The following CAPNS1 variants were observed in gnomAD, a reference collection of about 807,000 sequenced individuals.
CAPNS1 encodes CANP small subunit.
In CAPNS1, 32 loss-of-function variants were observed where a neutral mutation model predicts 39.2. The ratio of observed to expected loss-of-function variants is 0.82; its 90% CI spans 0.62 to 1.10. The LOEUF (loss-of-function observed/expected upper bound fraction) is 1.10. Ranked by LOEUF, CAPNS1 falls within the 50% of genes least tolerant of loss-of-function variation. The pLI, the probability that CAPNS1 is intolerant of heterozygous loss-of-function variation, is 0.00. For synonymous variants in CAPNS1, 153 were observed against 136.2 expected (o/e 1.12, Z -0.86); for missense variants, 353 against 373.1 (o/e 0.95, Z 0.44).
Position 36,149,643 on chromosome 19 carries a change from AC to A in CAPNS1, c.780+12del. ...CCAGGTGAACATCCAGGAGGTAAGG[AC>A]CCCCATATTGGGGTATGGGTGCCTG... On this transcript the variant is annotated splice_region_variant and intron_variant, in intron 10 of 10. Transcript: ENST00000246533. The A allele has an allele frequency of 6.4e-7, 1 of 1,573,774 alleles. No homozygotes were observed. Among genetic ancestry groups the A allele is most frequent in the Non-Finnish European group, 8.6e-7 (1 of 1,159,968 alleles).
At chr19:36,145,769 G>GGTGTAGCTGTCA (rs1859387156) in intron 6 of CAPNS1, 37 bp from the exon 7 acceptor site, 1 of 1,584,300 alleles carries the variant, frequency 6.3e-7, no homozygotes, top group Non-Finnish European at 8.7e-7. Context: ...CATGCATCTG[G>GGTGTAGCTGTCA]GTGTAGCTGT....
In CAPNS1 at chr19:36,142,283, C is replaced by T. The variant is rs926874652; in HGVS notation, c.210-17C>T. On this transcript the variant is annotated splice_polypyrimidine_tract_variant and intron_variant, in intron 2 of 10. Transcript: ENST00000246533. ...CCCCGCCCCTGGCACTAACCCCTCCCCCTTATCTCTTCGCAGCGAGGCGGC... is the reference window on the plus strand; with the variant it reads ...CCCCGCCCCTGGCACTAACCCCTCCTCCTTATCTCTTCGCAGCGAGGCGGC... 24 of 1,584,634 alleles carry T rather than the reference C, an allele frequency of 1.5e-5. No individual in the cohort carries two copies. Among genetic ancestry groups the T allele is most frequent in the Non-Finnish European group, 2.0e-5 (23 of 1,153,778 alleles).
intron 9 of CAPNS1, among the ~76,000 whole-genome samples, chr19:36,148,868 A>G (rs1236485922): frequency 6.6e-6 from 1 of 151,266 alleles, no homozygotes; most frequent in South Asian, 2.1e-4. Context: ...GGGTATGGAC[A>G]CCTGAGGGTG....
At chr19:36,143,490 G>T (rs1305381333) in intron 6 of CAPNS1, among the ~76,000 whole-genome samples, 7 of 152,076 alleles carry the variant, frequency 4.6e-5, no homozygotes. Context: ...ACTTTGGGAG[G>T]CTAAGGTGGG....
chr19:36,146,913 A>G (rs927289210), intron 9 of CAPNS1, among the ~76,000 whole-genome samples: 1 of 152,096 alleles, frequency 6.6e-6, no homozygotes, highest in African/African-American at 2.4e-5. Flanking sequence ...TGGCATGATC[A>G]TGGCTGACTG....
chr19:36,145,926 A>G (rs374973501), intron 7 of CAPNS1, 50 bp from the exon 8 acceptor site: 23 of 1,612,090 alleles, frequency 1.4e-5, no homozygotes, highest in Non-Finnish European at 1.8e-5. Flanking sequence ...AGCCATGGAG[A>G]CACTATGCCC....
intron 2 of CAPNS1, 89 bp downstream of exon 2, chr19:36,141,309 G>C (rs1974364978): frequency 7.0e-7 from 1 of 1,422,390 alleles, no homozygotes; most frequent in Non-Finnish European, 9.2e-7. Context: ...TCTAAAAATA[G>C]AATAGGATTA....
Position 36,145,923 on chromosome 19 carries a change from G to A in CAPNS1, c.525+49G>A, listed in dbSNP as rs370767749. On this transcript the variant is annotated intron_variant, in intron 7 of 10. Coordinates refer to ENST00000246533, the MANE Select transcript of CAPNS1 (RefSeq NM_001749.4). ...CTGGCACCCAGACCCCCAAGCCATG[G>A]AGACACTATGCCCCACAATGCTCAC... 5 of 1,612,760 alleles carry A rather than the reference G, an allele frequency of 3.1e-6. No individual in the cohort carries two copies. In the African/African-American group the frequency reaches 4.0e-5, roughly 13 times the overall value.
chr19:36,143,180 G>A (rs1157975509), intron 6 of CAPNS1, 52 bp downstream of exon 6: 8 of 1,546,580 alleles, frequency 5.2e-6, no homozygotes, highest in Non-Finnish European at 7.1e-6. Context: ...AGAGTTTTTT[G>A]AGAGTATGTT....
At position 36,146,049 on chromosome 19, in the gene CAPNS1, C is replaced by T; in HGVS notation, c.599C>T (p.Ala200Val). The T allele has an allele frequency of 6.2e-7, 1 of 1,614,070 alleles. No homozygotes were observed. ...AGTGAACTCCCAGGTGCCTTTGAGG[C>T]AGCAGGTATGGCTGGCAGGGACATG... is the stretch of plus-strand genomic sequence containing the variant. The part of the protein sequence containing the change: ...CSSELPGAFE[A>V]AGFHLNEHLY... The change falls in exon 8 of 11, where the codon GCA becomes GTA. Residue 200 changes from alanine to valine, a missense_variant. Ala to Val is a moderately conservative substitution (Grantham distance 64, BLOSUM62 0). Coordinates refer to ENST00000246533, the MANE Select transcript of CAPNS1 (RefSeq NM_001749.4).
rs878988441 is a variant in CAPNS1, at chr19:36,142,801, C to T, written c.333+60C>T. The T allele has an allele frequency of 4.6e-5, 73 of 1,579,974 alleles. 1 individual carries two copies. In the South Asian group the frequency reaches 5.8e-4, roughly 12 times the overall value. On this transcript the variant is annotated intron_variant, in intron 4 of 10. Transcript: ENST00000246533. ...CGTTCCATCCCTTCCCTTGTGGCTGCCCTTGCACACACACCCTTGACCATG... is the reference window on the plus strand; with the variant it reads ...CGTTCCATCCCTTCCCTTGTGGCTGTCCTTGCACACACACCCTTGACCATG...
Position 36,141,216 on chromosome 19 carries a change from A to G in CAPNS1, c.205A>G (p.Ile69Val), listed in dbSNP as rs768047521. 65 of 1,505,040 alleles carry G rather than the reference A, an allele frequency of 4.3e-5. No homozygotes were observed. The highest frequency in any genetic ancestry group is 5.5e-5 in the Non-Finnish European group (62 of 1,133,190). The allele number at this position is 1,505,040 out of a possible 1,614,324, so 93.2% of individuals were successfully genotyped here. A position where few individuals can be genotyped will look rare whatever the true frequency, so the allele number is the denominator to read the frequency against. Reference protein sequence around the residue: ...MRILGGVISAISEAAAQYNPE... With the variant: ...MRILGGVISAVSEAAAQYNPE... ...CATCCTAGGCGGAGTCATCAGCGCC[A>G]TCAGGTAAGGCGGAGACTATCAGAG... Residue 69 changes from isoleucine (I) to valine (V), a missense_variant, in exon 2 of 11, where the codon ATC becomes GTC. Coordinates refer to ENST00000246533, the MANE Select transcript of CAPNS1 (RefSeq NM_001749.4).
chr19:36,146,180 A>G lies in CAPNS1; in HGVS notation c.605-16A>G, dbSNP rs1210228483. 2 of 1,597,446 alleles carry G rather than the reference A, an allele frequency of 1.3e-6. No homozygotes were observed. Among genetic ancestry groups the G allele is most frequent in the Non-Finnish European group, 8.6e-7 (1 of 1,164,776 alleles). ...GCCATGTGGCCCCCGCACCTGAAGG[A>G]CTACATCCATCTTAGGGTTCCACCT... is the stretch of plus-strand genomic sequence containing the variant. On this transcript the variant is annotated splice_polypyrimidine_tract_variant and intron_variant, in intron 8 of 10. Coordinates refer to ENST00000246533, the MANE Select transcript of CAPNS1 (RefSeq NM_001749.4).
rs1297948943 is a variant in CAPNS1, at chr19:36,143,127, A to T, written c.455A>T (p.Asp152Val). The T allele has an allele frequency of 3.7e-6, 6 of 1,613,662 alleles. No homozygotes were observed. Among genetic ancestry groups the T allele is most frequent in the African/African-American group, 1.3e-5 (1 of 74,864 alleles). The change falls in exon 6 of 11, where the codon GAT (aspartate) becomes GTT (valine). Residue 152 changes from aspartate (D) to valine (V), a missense_variant and splice_region_variant. By Grantham distance (152) the Asp-to-Val change is radical. Transcript: ENST00000246533. ...TGTCGCAGCATGGTGGCCGTGATGG[A>T]TGTATCCTTGGGGGCAGTGTGGGAG... ...DTCRSMVAVMDSDTTGKLGFE... is the reference protein window; with the variant it reads ...DTCRSMVAVMVSDTTGKLGFE...
At chr19:36,140,744 G>C in intron 1 of CAPNS1, 3 of 430,170 alleles carry the variant, frequency 7.0e-6, no homozygotes, top group South Asian at 3.8e-5. Context: ...CACCAGATCT[G>C]CACCCTCCCC....
rs1367248534 is a variant in CAPNS1, at chr19:36,141,040, G to A, written c.29G>A (p.Gly10Asp). 1.4e-6 allele frequency: 2 copies of A among 1,393,742 alleles called. No homozygotes were observed. The highest frequency in any genetic ancestry group is 1.9e-6 in the Non-Finnish European group (2 of 1,029,858). 86.3% of individuals were successfully genotyped at this position (1,393,742 alleles called of 1,614,324 possible). The change falls in exon 2 of 11, where the codon GGC becomes GAC. Residue 10 changes from glycine (G) to aspartate (D), a missense_variant. Physicochemically the swap from Gly to Asp is moderately conservative, Grantham distance 94 (BLOSUM62 -1). Coordinates refer to ENST00000246533, the MANE Select transcript of CAPNS1 (RefSeq NM_001749.4). MFLVNSFLKGGGGGGGGGGG... is the reference protein window; with the variant it reads MFLVNSFLKDGGGGGGGGGG... ...TTCCTGGTTAACTCGTTCTTGAAGG[G>A]CGGCGGCGGCGGCGGCGGGGGAGGC...
intron 6 of CAPNS1, chr19:36,144,108 G>A (rs186878066): frequency 0.026 from 3,738 of 144,306 alleles, 83 homozygotes; most frequent in Non-Finnish European, 0.037. Context: ...CCTGGGAGGC[G>A]GAGCTTTGCA....
chr19:36,140,667 A>G lies in CAPNS1; in HGVS notation c.-15-330A>G, dbSNP rs17887174. 3.3e-4 allele frequency: 93 copies of G among 285,960 alleles called. No homozygotes were observed. The East Asian group carries it at 6.4e-3, about 20-fold the overall frequency. 17.7% of individuals were successfully genotyped at this position (285,960 alleles called of 1,614,324 possible). On this transcript the variant is annotated intron_variant, in intron 1 of 10. Coordinates refer to ENST00000246533, the MANE Select transcript of CAPNS1 (RefSeq NM_001749.4). Reference sequence around the variant, plus strand: ...ACATTCAGGCTGGGCTCTGGATCTCACATTCTAGCGCCCAGACATGTCGGG... The same window carrying G: ...ACATTCAGGCTGGGCTCTGGATCTCGCATTCTAGCGCCCAGACATGTCGGG...
rs1267870501 is a variant in CAPNS1 at position 36,149,829 on chromosome 19, T to C, written c.797T>C (p.Met266Thr). The change falls in exon 11 of 11, where the codon ATG becomes ACG. Residue 266 changes from methionine (M) to threonine (T), a missense_variant. Transcript: ENST00000246533. ...VNIQEWLQLT[M>T]YS is the part of the protein sequence containing the mutation. ...TCTCCCCAGTGGCTGCAGCTGACTA[T>C]GTATTCCTGAACTGGAGCCCCAGAC... 1.3e-6 allele frequency: 2 copies of C among 1,486,042 alleles called. No homozygotes were observed. The highest frequency in any genetic ancestry group is 2.8e-5 in the South Asian group (2 of 72,090). The allele number at this position is 1,486,042 out of a possible 1,614,324, so 92.1% of individuals were successfully genotyped here.
Sources: allele counts gnomAD v4.1 joint callset (sites outside exome capture counted in the v4.1 genomes callset), GRCh38; gene constraint gnomAD v4.1.1; transcripts MANE v1.5; gene names NCBI Gene and HGNC (gene_info 2026-07-23, HGNC 2026-07-21).